The following KMO variants were observed in gnomAD, a reference collection of about 807,000 sequenced individuals.
KMO encodes the protein kynurenine 3-monooxygenase, also known as kynurenine 3-hydroxylase.
Under a neutral mutation model 57.8 loss-of-function variants are expected in KMO, and 24 were observed. The observed-to-expected ratio is 0.42, with a 90% CI of 0.30 to 0.58. The LOEUF (loss-of-function observed/expected upper bound fraction) is 0.58. Among genes scored for constraint, KMO ranks in the 20% least tolerant of loss-of-function variants. The pLI is 0.22. For missense variants in KMO, 483 were observed against 588.2 expected, an observed-to-expected ratio of 0.82 and a Z score of 1.85; for synonymous variants, 210 against 193.6, an observed-to-expected ratio of 1.08 and a Z score of -0.70.
intron 10 of KMO, among the ~76,000 whole-genome samples, chr1:241,570,860 A>T (rs1014250650): frequency 1.3e-5 from 2 of 152,144 alleles, no homozygotes; most frequent in African/African-American, 4.8e-5. Flanking sequence ...TTAAGTCTGT[A>T]GATTGCCTTG....
Position 241,586,741 on chromosome 1 carries a change from G to A in KMO, c.1015+5G>A. ...ATAAATTCAGTAACGACCTTAGTAA[G>A]TAAGGTCAATTTCTCAACTGGACAT... On this transcript the variant is annotated splice_donor_5th_base_variant and intron_variant, in intron 11 of 14. Transcript: ENST00000366559. 1 of 1,592,990 alleles carries A rather than the reference G, an allele frequency of 6.3e-7. No homozygotes were observed. The highest frequency in any genetic ancestry group is 2.2e-5 in the East Asian group (1 of 44,710).
chr1:241,549,256 A>AGAAAGTAAGTCG (rs1553346345), intron 2 of KMO, among the ~76,000 whole-genome samples: 17 of 114,896 alleles, frequency 1.5e-4, no homozygotes, highest in Admixed American at 4.6e-4. Context: ...AAAGAAAGAA[A>AGAAAGTAAGTCG]GAAAGAAAGA....
intron 8 of KMO, 137 bp from the exon 9 acceptor site, chr1:241,566,354 T>C: frequency 1.1e-6 from 1 of 923,744 alleles, no homozygotes; most frequent in Non-Finnish European, 1.6e-6. Context: ...AAAGTGACAG[T>C]GCCTTTCCTG....
intron 1 of KMO, among the ~76,000 whole-genome samples, chr1:241,532,918 A>G (rs1660627236): frequency 6.6e-6 from 1 of 152,248 alleles, no homozygotes; most frequent in South Asian, 2.1e-4. Context: ...TCTAATGAGA[A>G]TAAAAGGGTC....
At chr1:241,539,152 G>T (rs1464767461) in intron 1 of KMO, among the ~76,000 whole-genome samples, 1 of 152,136 alleles carries the variant, frequency 6.6e-6, no homozygotes, top group Admixed American at 6.6e-5. Flanking sequence ...GGAGTCCGAG[G>T]TGGGTGGATT....
chr1:241,550,394 A>AT (rs1295607226), intron 3 of KMO, among the ~76,000 whole-genome samples: 1 of 152,132 alleles, frequency 6.6e-6, no homozygotes, highest in African/African-American at 2.4e-5. Context: ...CCTGTAGTAG[A>AT]TTTTCATCAT....
chr1:241,566,631 C>T lies in KMO; in HGVS notation c.809+19C>T, dbSNP rs200168147. The T allele has an allele frequency of 2.9e-4, 467 of 1,612,806 alleles. No homozygotes were observed. Among genetic ancestry groups the T allele is most frequent in the Non-Finnish European group, 3.7e-4 (437 of 1,179,096 alleles). ...TTGGAGAGTAAGTTGCAAGATGTGC[C>T]TTTTGCTCCATTTGTTTTAATTATT... On this transcript the variant is annotated intron_variant, in intron 9 of 14. Transcript: ENST00000366559.
intron 10 of KMO, among the ~76,000 whole-genome samples, chr1:241,585,710 T>G (rs1221929505): frequency 6.6e-6 from 1 of 151,034 alleles, no homozygotes; most frequent in Non-Finnish European, 1.5e-5. Flanking sequence ...TGAGCCGAGA[T>G]TGTGCTGCAC....
Position 241,593,444 on chromosome 1 carries a change from G to A in KMO, c.*1291G>A, listed in dbSNP as rs984030359. On this transcript the variant is annotated 3_prime_UTR_variant, in exon 15 of 15. Transcript: ENST00000366559. ...TAGAGTCATATAAGAAATAAAAATT[G>A]GGCAATAAAATAAAATGATTCAGTG... The A allele has an allele frequency of 4.2e-5, 15 of 358,938 alleles. No homozygotes were observed. The highest frequency in any genetic ancestry group is 4.1e-4 in the Middle Eastern group (1 of 2,430). The allele number at this position is 358,938 out of a possible 1,614,324, so 22.2% of individuals were successfully genotyped here.
At chr1:241,539,389 A>AAAAAAAAAAAAAAAAAAAAAAC (rs920402236) in intron 1 of KMO, among the ~76,000 whole-genome samples, 1 of 150,380 alleles carries the variant, frequency 6.6e-6, no homozygotes, top group African/African-American at 2.5e-5. Flanking sequence ...GTCTCAAAAA[A>AAAAAAAAAAAAAAAAAAAAAAC]ATTCCAGAAA....
intron 10 of KMO, among the ~76,000 whole-genome samples, chr1:241,574,159 A>G (rs1662413796): frequency 6.6e-6 from 1 of 152,096 alleles, no homozygotes; most frequent in Non-Finnish European, 1.5e-5. Context: ...AAAATCTGGG[A>G]GTCTTTTGAA....
rs774893725 is a variant in KMO, at chr1:241,564,978, T to A, written c.616-9T>A. The A allele has an allele frequency of 2.5e-6, 4 of 1,579,892 alleles. No individual in the cohort carries two copies. The South Asian group carries it at 4.4e-5, about 18-fold the overall frequency. On this transcript the variant is annotated splice_polypyrimidine_tract_variant and intron_variant, in intron 7 of 14. Coordinates refer to ENST00000366559, the MANE Select transcript of KMO (RefSeq NM_003679.5). ...TGCACTAATCAATCATATATTCTTTTTTCTGCAGTATGCCATGGAACCTAA... is the reference window on the plus strand; with the variant it reads ...TGCACTAATCAATCATATATTCTTTATTCTGCAGTATGCCATGGAACCTAA...
intron 10 of KMO, among the ~76,000 whole-genome samples, chr1:241,569,030 AATT>A (rs1204242474): frequency 6.6e-6 from 1 of 152,014 alleles, no homozygotes; most frequent in Non-Finnish European, 1.5e-5. Context: ...AAAATTTTTT[AATT>A]ATTATGGATA....
At chr1:241,581,104 T>G (rs1196869068) in intron 10 of KMO, among the ~76,000 whole-genome samples, 1 of 152,156 alleles carries the variant, frequency 6.6e-6, no homozygotes, top group Non-Finnish European at 1.5e-5. Flanking sequence ...CTTTAGAGTT[T>G]TTGTCTTGAA....
chr1:241,558,519 G>T (rs530367576), intron 5 of KMO, among the ~76,000 whole-genome samples: 22 of 152,266 alleles, frequency 1.4e-4, no homozygotes, highest in Non-Finnish European at 2.6e-4. Flanking sequence ...TTTCATGCGG[G>T]ATTGTTTCAC....
chr1:241,568,750 C>T lies in KMO; in HGVS notation c.957+103C>T, dbSNP rs1046566699. ...TGTCTAAGACTATCCCCACATAATC[C>T]CTGAAAGCACAATCAATTCAGCAAT... On this transcript the variant is annotated intron_variant, in intron 10 of 14. Transcript: ENST00000366559. The T allele has an allele frequency of 1.8e-5, 19 of 1,057,600 alleles. No individual in the cohort carries two copies. In the Admixed American group the frequency reaches 4.4e-4, roughly 25 times the overall value. 65.5% of individuals were successfully genotyped at this position (1,057,600 alleles called of 1,614,324 possible). A position where few individuals can be genotyped will look rare whatever the true frequency, so the allele number is the denominator to read the frequency against.
Position 241,560,708 on chromosome 1 carries a change from G to C in KMO, c.405G>C (p.Arg135Ser). ...YPNVKMHFNH[R>S]LLKCNPEEGM... ...ATGTGAAAATGCACTTTAACCACAG[G>C]CTGTTGAAATGTAATCCAGAGGAAG... is the stretch of plus-strand genomic sequence containing the variant. The change falls in exon 6 of 15, where the codon AGG becomes AGC. Residue 135 changes from arginine (R) to serine (S), a missense_variant. Around this residue, in one of 3 missense-constraint regions of KMO, gnomAD observed 410 missense variants for 492.3 expected, o/e 0.83. Coordinates refer to ENST00000366559, the MANE Select transcript of KMO (RefSeq NM_003679.5). 6.2e-7 allele frequency: 1 copy of C among 1,613,818 alleles called. No individual in the cohort carries two copies. The highest frequency in any genetic ancestry group is 8.5e-7 in the Non-Finnish European group (1 of 1,179,744).
At position 241,568,409 on chromosome 1, in the gene KMO, T is replaced by C. The variant is rs1252144687; in HGVS notation, c.810-91T>C. 20 of 1,291,312 alleles carry C rather than the reference T, an allele frequency of 1.5e-5. No homozygotes were observed. The South Asian group carries it at 2.2e-4, about 14-fold the overall frequency. 80.0% of individuals were successfully genotyped at this position (1,291,312 alleles called of 1,614,324 possible). ...GGCATTCTTGTTTTTCAACAAAACT[T>C]CGTGATAGTTAATTTAGTAAACCTG... On this transcript the variant is annotated intron_variant, in intron 9 of 14. Transcript: ENST00000366559.
intron 1 of KMO, among the ~76,000 whole-genome samples, chr1:241,545,106 A>C (rs913402851): frequency 1.3e-5 from 2 of 152,182 alleles, no homozygotes; most frequent in Non-Finnish European, 2.9e-5. Flanking sequence ...ACTTGGTTAC[A>C]AACTTTACTT....
Sources: allele counts gnomAD v4.1 joint callset (sites outside exome capture counted in the v4.1 genomes callset), GRCh38; gene constraint gnomAD v4.1.1; regional missense constraint gnomAD v4.1.1; transcripts MANE v1.5; gene names NCBI Gene and HGNC (gene_info 2026-07-23, HGNC 2026-07-21).